RGS8: variants seen among roughly 807,000 people sequenced by gnomAD.
The protein encoded by RGS8 is regulator of G-protein signaling 8.
RGS8 carries 8 observed loss-of-function variants against 21.7 expected under a neutral mutation model. That is an observed-to-expected ratio of 0.37 (90% CI 0.22 to 0.66). The LOEUF (loss-of-function observed/expected upper bound fraction) is 0.66, where lower values mean the gene tolerates loss of function less well. Among genes scored for constraint, RGS8 ranks in the 30% least tolerant of loss-of-function variants. The probability of loss-of-function intolerance (pLI) is 0.59; values close to 1 mark genes in which losing one functional copy is unlikely to be tolerated. For missense variants in RGS8, 157 were observed against 217.9 expected, an observed-to-expected ratio of 0.72 and a Z score of 1.76; for synonymous variants, 80 against 83.6, an observed-to-expected ratio of 0.96 and a Z score of 0.24.
the RGS8 span, among the ~76,000 whole-genome samples, chr1:182,714,023 C>T: frequency 9.2e-5 from 14 of 152,258 alleles, no homozygotes; most frequent in East Asian, 1.9e-3. Flanking sequence ...TTTTCTACCA[C>T]GCCAATTTGA....
chr1:182,686,655 G>A (rs1219144656), upstream of RGS8, among the ~76,000 whole-genome samples: 1 of 152,226 alleles, frequency 6.6e-6, no homozygotes, highest in Non-Finnish European at 1.5e-5. Context: ...AACTAATTGT[G>A]TGTTTGCCTG....
At chr1:182,655,973 A>G (rs1282760035) in intron 5 of RGS8, among the ~76,000 whole-genome samples, 2 of 152,210 alleles carry the variant, frequency 1.3e-5, no homozygotes, top group Non-Finnish European at 2.9e-5. Context: ...AACATCTCCA[A>G]GCCCAAGCGT....
At chr1:182,657,951 A>G (rs960380977) in intron 5 of RGS8, among the ~76,000 whole-genome samples, 4 of 152,244 alleles carry the variant, frequency 2.6e-5, no homozygotes, top group African/African-American at 9.6e-5. Context: ...ATGGGAAGAG[A>G]AATGACAGAA....
chr1:182,654,368 A>G (rs1663165270), intron 5 of RGS8, among the ~76,000 whole-genome samples: 1 of 152,256 alleles, frequency 6.6e-6, no homozygotes, highest in African/African-American at 2.4e-5. Flanking sequence ...AAAGGCAAAG[A>G]AAAAAGGAAA....
chr1:182,668,658 C>T (rs1293893008), intron 3 of RGS8, among the ~76,000 whole-genome samples: 1 of 152,214 alleles, frequency 6.6e-6, no homozygotes, highest in East Asian at 1.9e-4. Context: ...ATTGGGCCTG[C>T]ACGTCCCCTG....
the RGS8 span, among the ~76,000 whole-genome samples, chr1:182,739,744 A>C: frequency 1.3e-5 from 2 of 151,942 alleles, no homozygotes; most frequent in Non-Finnish European, 1.5e-5. Context: ...CCACTCACCC[A>C]GCCAGCGGGC....
chr1:182,750,845 G>A, the RGS8 span, among the ~76,000 whole-genome samples: 4 of 150,414 alleles, frequency 2.7e-5, no homozygotes, highest in Non-Finnish European at 4.4e-5. Context: ...AGATTCTAGA[G>A]GATGTAGGTA....
At chr1:182,648,022 G>A (rs1571304945) in intron 6 of RGS8, 115 bp downstream of exon 7, 3 of 888,564 alleles carry the variant, frequency 3.4e-6, no homozygotes, top group Non-Finnish European at 4.8e-6. Flanking sequence ...CCAGAGTGAT[G>A]AGGCTCAGTT....
the RGS8 span, among the ~76,000 whole-genome samples, chr1:182,726,577 G>A: frequency 6.6e-6 from 1 of 152,050 alleles, no homozygotes; most frequent in Non-Finnish European, 1.5e-5. Flanking sequence ...GTCAGAGGCA[G>A]GAGAATCGCT....
At chr1:182,738,963 A>G in the RGS8 span, among the ~76,000 whole-genome samples, 1 of 152,240 alleles carries the variant, frequency 6.6e-6, no homozygotes, top group East Asian at 1.9e-4. Flanking sequence ...TAAAGAGACA[A>G]TCTCTCTTTC....
At chr1:182,642,756 A>C (rs1662522194), downstream of RGS8, 1 of 152,242 alleles carries the variant, frequency 6.6e-6, no homozygotes, top group African/African-American at 2.4e-5. Flanking sequence ...CGGAGATTAA[A>C]ATCAACTAGG....
At chr1:182,676,650 G>A (rs1292965584), upstream of RGS8, among the ~76,000 whole-genome samples, 1 of 152,096 alleles carries the variant, frequency 6.6e-6, no homozygotes, top group Non-Finnish European at 1.5e-5. Flanking sequence ...TTGTAATAAC[G>A]CTGCTCAACT....
chr1:182,645,532 G>A (rs1274908161), downstream of RGS8: 1 of 152,222 alleles, frequency 6.6e-6, no homozygotes, highest in Non-Finnish European at 1.5e-5. Context: ...AGCATTTTAG[G>A]AAGGTTGTCC....
the RGS8 span, among the ~76,000 whole-genome samples, chr1:182,733,147 G>A: frequency 6.6e-6 from 1 of 152,244 alleles, no homozygotes; most frequent in African/African-American, 2.4e-5. Context: ...AGGATACTCA[G>A]ATATTCAAAT....
intron 6 of RGS8, 126 bp downstream of exon 7, chr1:182,648,011 A>G (rs1230590500): frequency 2.5e-6 from 2 of 795,952 alleles, no homozygotes; most frequent in Non-Finnish European, 3.6e-6. Context: ...ATCAAGGGCC[A>G]CCAGAGTGAT....
intron 2 of RGS8, 21 bp from the exon 4 acceptor site, chr1:182,669,773 G>C (rs1197612997): frequency 1.9e-6 from 3 of 1,556,460 alleles, no homozygotes; most frequent in Admixed American, 1.9e-5. Context: ...AGAATCTGCT[G>C]TAAGAGGGGC....
At chr1:182,731,904 G>A in the RGS8 span, among the ~76,000 whole-genome samples, 1 of 152,298 alleles carries the variant, frequency 6.6e-6, no homozygotes, top group East Asian at 1.9e-4. Context: ...GCAGATTGCT[G>A]AACAAAAGGC....
At chr1:182,683,998 T>A (rs1664625330) in intron 1 of RGS8, among the ~76,000 whole-genome samples, 2 of 152,126 alleles carry the variant, frequency 1.3e-5, no homozygotes, top group African/African-American at 4.8e-5. Flanking sequence ...CCTACAATAT[T>A]TTCAGAGCCC....
the RGS8 span, among the ~76,000 whole-genome samples, chr1:182,736,870 T>C: frequency 6.6e-6 from 1 of 152,232 alleles, no homozygotes; most frequent in Non-Finnish European, 1.5e-5. Context: ...CATGTCCATA[T>C]AGAGAGGCCC....
Sources: gnomAD v4.1 joint callset for allele counts (sites outside exome capture counted in the v4.1 genomes callset) on GRCh38, gnomAD v4.1.1 for gene constraint, MANE v1.5 for transcripts, NCBI Gene and HGNC (gene_info 2026-07-23, HGNC 2026-07-21) for gene names.